Variants in CCDC38 observed in about 807,000 individuals in gnomAD.
CCDC38 encodes coiled-coil domain containing 38, also known as coiled-coil domain-containing protein 38.
CCDC38 carries 69 observed loss-of-function variants against 72.8 expected under a neutral mutation model. The ratio of observed to expected loss-of-function variants is 0.95; its 90% CI spans 0.78 to 1.16. The LOEUF (loss-of-function observed/expected upper bound fraction) is 1.16. CCDC38 is among the 50% of genes most tolerant of loss of function. The pLI, the probability that CCDC38 is intolerant of heterozygous loss-of-function variation, is 0.00. For missense variants in CCDC38, 626 were observed against 638.9 expected, an observed-to-expected ratio of 0.98 and a Z score of 0.22; for synonymous variants, 201 against 213.2, an observed-to-expected ratio of 0.94 and a Z score of 0.50.
At chr12:95,916,379 G>GCCTGCCTGCCTTCCTT (rs1457231674) in intron 4 of CCDC38, among the ~76,000 whole-genome samples, 45 of 147,450 alleles carry the variant, frequency 3.1e-4, no homozygotes, top group Non-Finnish European at 6.0e-4. Context: ...TTGCCTGCCT[G>GCCTGCCTGCCTTCCTT]CCTTCCTTCC....
intron 2 of CCDC38, among the ~76,000 whole-genome samples, chr12:95,926,268 G>T (rs1478252730): frequency 6.6e-6 from 1 of 151,806 alleles, no homozygotes; most frequent in South Asian, 2.1e-4. Flanking sequence ...GTTTAGTCTT[G>T]GGAGAGTGTA....
intron 2 of CCDC38, among the ~76,000 whole-genome samples, chr12:95,926,446 G>A (rs1451910017): frequency 1.3e-5 from 2 of 151,324 alleles, no homozygotes; most frequent in African/African-American, 4.9e-5. Context: ...TTCTTTATTA[G>A]TCTTGCTAGC....
intron 15 of CCDC38, among the ~76,000 whole-genome samples, chr12:95,869,248 AAG>A (rs1399249749): frequency 6.6e-6 from 1 of 152,210 alleles, no homozygotes; most frequent in African/African-American, 2.4e-5. Flanking sequence ...TAGGTCTAAA[AAG>A]AGGAGAGAAG....
chr12:95,898,994 T>G (rs1322573108), intron 5 of CCDC38, among the ~76,000 whole-genome samples: 1 of 152,142 alleles, frequency 6.6e-6, no homozygotes, highest in Non-Finnish European at 1.5e-5. Context: ...TGCATATTCC[T>G]CCAAAGAGCA....
intron 5 of CCDC38, among the ~76,000 whole-genome samples, chr12:95,900,905 C>A (rs1393832859): frequency 6.6e-6 from 1 of 152,066 alleles, no homozygotes; most frequent in Admixed American, 6.6e-5. Flanking sequence ...CATTTTGGAT[C>A]GTTGTCTTTT....
intron 2 of CCDC38, among the ~76,000 whole-genome samples, chr12:95,922,926 G>C (rs188869251): frequency 3.3e-5 from 5 of 152,146 alleles, no homozygotes; most frequent in Non-Finnish European, 5.9e-5. Context: ...GTTATTTCTG[G>C]TTGTGTCTGT....
At position 95,879,814 on chromosome 12, in the gene CCDC38, A is replaced by C; in HGVS notation, c.991-19T>G. On this transcript the variant is annotated intron_variant, in intron 11 of 15. Coordinates refer to ENST00000344280, the MANE Select transcript of CCDC38 (RefSeq NM_182496.3). The surrounding 1 kb of genome is among the most constrained non-coding windows in gnomAD (Gnocchi z 5.5). ...CTGGCTCCTAATTAATCAATAATGA[A>C]GAATATAATTTACTTAAAAATATGC... 6.4e-7 allele frequency: 1 copy of C among 1,563,584 alleles called. No homozygotes were observed. Among genetic ancestry groups the C allele is most frequent in the Non-Finnish European group, 8.7e-7 (1 of 1,153,478 alleles).
chr12:95,882,284 G>T (rs1348214397), intron 10 of CCDC38, among the ~76,000 whole-genome samples: 2 of 152,020 alleles, frequency 1.3e-5, no homozygotes, highest in African/African-American at 4.8e-5. Flanking sequence ...GGAGGGAGGA[G>T]AATTTAGAGA....
intron 13 of CCDC38, 51 bp from the exon 14 acceptor site, chr12:95,872,511 AAT>A: frequency 3.4e-6 from 4 of 1,160,270 alleles, no homozygotes; most frequent in Non-Finnish European, 5.2e-6. Context: ...ACATTCAATA[AAT>A]ATACCATTTT....
chr12:95,908,446 A>T (rs1193466830), intron 4 of CCDC38, among the ~76,000 whole-genome samples: 1 of 1,634 alleles, frequency 6.1e-4, no homozygotes, highest in South Asian at 0.033. Flanking sequence ...CCGTGGAAAG[A>T]GGGAGAGGGA....
At chr12:95,923,184 T>G (rs765304495) in intron 2 of CCDC38, among the ~76,000 whole-genome samples, 6 of 152,148 alleles carry the variant, frequency 3.9e-5, no homozygotes, top group Non-Finnish European at 8.8e-5. Flanking sequence ...TGAGTCTGAC[T>G]GAATTACATC....
intron 9 of CCDC38, among the ~76,000 whole-genome samples, chr12:95,889,493 G>A (rs2121452707): frequency 1.3e-5 from 2 of 152,134 alleles, no homozygotes; most frequent in East Asian, 3.9e-4. Context: ...AACAGGCAAA[G>A]TAGTATGTCT....
At chr12:95,912,466 G>A (rs920239721) in intron 4 of CCDC38, among the ~76,000 whole-genome samples, 3 of 152,132 alleles carry the variant, frequency 2.0e-5, no homozygotes, top group African/African-American at 7.2e-5. Context: ...GGGAAGGATG[G>A]GGGTGGGGGG....
chr12:95,912,685 T>C (rs964650219), intron 4 of CCDC38, among the ~76,000 whole-genome samples: 3 of 152,258 alleles, frequency 2.0e-5, no homozygotes, highest in African/African-American at 7.2e-5. Context: ...GATTTGATTA[T>C]GGCACATTGT....
intron 5 of CCDC38, among the ~76,000 whole-genome samples, chr12:95,901,082 A>G (rs573837402): frequency 4.6e-5 from 7 of 152,356 alleles, no homozygotes; most frequent in African/African-American, 1.7e-4. Flanking sequence ...TTTAGAAGTT[A>G]TAACCCTAAT....
intron 10 of CCDC38, among the ~76,000 whole-genome samples, chr12:95,887,990 A>G (rs2079779116): frequency 6.6e-6 from 1 of 152,200 alleles, no homozygotes; most frequent in Non-Finnish European, 1.5e-5. Flanking sequence ...CATCCCAGGC[A>G]TCAACATATT....
chr12:95,892,389 A>G (rs2079838421), intron 8 of CCDC38, among the ~76,000 whole-genome samples: 1 of 147,498 alleles, frequency 6.8e-6, no homozygotes, highest in Non-Finnish European at 1.5e-5. Context: ...GGCTCAAGCA[A>G]TCCTCCCACC....
chr12:95,870,958 C>T (rs755793794), intron 14 of CCDC38, among the ~76,000 whole-genome samples: 22 of 152,196 alleles, frequency 1.4e-4, no homozygotes, highest in Middle Eastern at 3.2e-3. Context: ...TCCCGTTTTA[C>T]GGATAAAGAA....
chr12:95,934,523 T>C (rs990689442), intron 2 of CCDC38: 1 of 152,048 alleles, frequency 6.6e-6, no homozygotes, highest in African/African-American at 2.4e-5. Context: ...ACTTATGAGT[T>C]TGCAAGTAGA....
Sources: allele counts gnomAD v4.1 joint callset (sites outside exome capture counted in the v4.1 genomes callset), GRCh38; gene constraint gnomAD v4.1.1; non-coding constraint Gnocchi (gnomAD v3.1); transcripts MANE v1.5; gene names NCBI Gene and HGNC (gene_info 2026-07-23, HGNC 2026-07-21).